The following TRPM1 variants were observed in gnomAD, a reference collection of about 807,000 sequenced individuals.
The protein encoded by TRPM1 is transient receptor potential cation channel subfamily M member 1.
Under a neutral mutation model 149.4 loss-of-function variants are expected in TRPM1, and 113 were observed. The ratio of observed to expected loss-of-function variants is 0.76; its 90% CI spans 0.65 to 0.88. TRPM1 has a LOEUF of 0.88. TRPM1 is among the 40% of genes least tolerant of loss of function. TRPM1 has a pLI of 0.00. For missense variants in TRPM1, 1,976 were observed against 2,038.7 expected (o/e 0.97, Z 0.59); for synonymous variants, 741 against 759.5 (o/e 0.98, Z 0.40).
At chr15:31,077,760 T>C (rs1298821383) in intron 2 of TRPM1, among the ~76,000 whole-genome samples, 1 of 151,990 alleles carries the variant, frequency 6.6e-6, no homozygotes, top group Non-Finnish European at 1.5e-5. Context: ...TATGTTTGTG[T>C]ATGTGTCTGA....
chr15:31,123,516 A>C (rs964378183), intron 1 of TRPM1, among the ~76,000 whole-genome samples: 1 of 152,244 alleles, frequency 6.6e-6, no homozygotes, highest in Non-Finnish European at 1.5e-5. Context: ...AATATGGGCA[A>C]AAGATTTGGA....
At chr15:31,077,288 T>A (rs2034722447) in intron 2 of TRPM1, among the ~76,000 whole-genome samples, 1 of 152,108 alleles carries the variant, frequency 6.6e-6, no homozygotes, top group Non-Finnish European at 1.5e-5. Flanking sequence ...TAAACTGCAG[T>A]GCAAGTGTTG....
chr15:31,130,984 T>C (rs2141042998), intron 1 of TRPM1, among the ~76,000 whole-genome samples: 1 of 152,314 alleles, frequency 6.6e-6, no homozygotes, highest in Non-Finnish European at 1.5e-5. Flanking sequence ...GGAGAATCCG[T>C]TGGGCAACGG....
At chr15:31,022,058 A>G (rs2032568029) in intron 27 of TRPM1, among the ~76,000 whole-genome samples, 2 of 152,220 alleles carry the variant, frequency 1.3e-5, no homozygotes, top group East Asian at 1.9e-4. Context: ...CATGGAAAAA[A>G]GGAAAACACA....
intron 1 of TRPM1, among the ~76,000 whole-genome samples, chr15:31,128,274 G>A (rs1416616634): frequency 6.6e-6 from 1 of 152,174 alleles, no homozygotes; most frequent in South Asian, 2.1e-4. Flanking sequence ...ACTGTGGGGT[G>A]AGAACGCCAT....
At chr15:31,148,712 G>A (rs2036254528) in intron 1 of TRPM1, among the ~76,000 whole-genome samples, 1 of 152,202 alleles carries the variant, frequency 6.6e-6, no homozygotes, top group Non-Finnish European at 1.5e-5. Context: ...GGTGCTGTAA[G>A]GGATGCTAGT....
rs1425016061 is a variant in TRPM1 at position 31,046,350 on chromosome 15, A to G, written c.1765-117T>C. ...AATGGATTAAAAAGCACTTTGTATC[A>G]TTAACAATTAATGATAATATCCAAG... is the stretch of plus-strand genomic sequence containing the variant. On this transcript the variant is annotated intron_variant, in intron 15 of 27. Transcript: ENST00000256552. 2.3e-5 allele frequency: 21 copies of G among 908,356 alleles called. 1 individual carries two copies. In the East Asian group the frequency reaches 4.9e-4, roughly 21 times the overall value. The allele number at this position is 908,356 out of a possible 1,614,324, so 56.3% of individuals were successfully genotyped here.
At chr15:31,090,342 G>T (rs2035201047) in intron 1 of TRPM1, among the ~76,000 whole-genome samples, 1 of 152,154 alleles carries the variant, frequency 6.6e-6, no homozygotes, top group Non-Finnish European at 1.5e-5. Flanking sequence ...TTTTCCATAT[G>T]AAACTGCATC....
chr15:31,059,808 C>T (rs2034176108), intron 11 of TRPM1, among the ~76,000 whole-genome samples: 1 of 152,166 alleles, frequency 6.6e-6, no homozygotes, highest in Non-Finnish European at 1.5e-5. Context: ...ATCCTGACTC[C>T]TAATCTATAA....
At chr15:31,079,510 G>T (rs1031294117) in intron 2 of TRPM1, among the ~76,000 whole-genome samples, 20 of 152,370 alleles carry the variant, frequency 1.3e-4, no homozygotes, top group Middle Eastern at 3.4e-3. Flanking sequence ...CACCCTCTGA[G>T]TGCGCAAGCA....
intron 18 of TRPM1, among the ~76,000 whole-genome samples, chr15:31,038,931 G>A (rs12917058): frequency 0.25 from 37,560 of 151,388 alleles, 4,829 homozygotes; most frequent in African/African-American, 0.29. Flanking sequence ...ACATGGGCTC[G>A]GCCTAGACAA....
rs1393997561 is a variant in TRPM1 at position 31,153,393 on chromosome 15, T to G, written c.54+7513A>C. On this transcript the variant is annotated intron_variant, in intron 1 of 26. Transcript: ENST00000542188. ...AGGCTGTAGTACAGTGGTGTGATCT[T>G]GGCTCACTGCAACCTCCGCCTCCCA... 2.0e-5 allele frequency among the ~76,000 whole-genome samples: 3 copies of G among 152,182 alleles called. No individual in the cohort carries two copies. The South Asian group carries it at 6.2e-4, about 31-fold the overall frequency.
At position 31,032,862 on chromosome 15, in the gene TRPM1, C is replaced by T. The variant is rs776205185; in HGVS notation, c.2779G>A (p.Val927Met). ...CCAATCATGAATGTGGAAATGGCCA[C>T]GAGATCTGTGATGTTCCAGTACTCC... Reference protein sequence around the residue: ...LQEYWNITDLVAISTFMIGAI... With the variant: ...LQEYWNITDLMAISTFMIGAI... The change falls in exon 22 of 28, where the codon GTG (valine) becomes ATG (methionine). Residue 927 changes from valine (V) to methionine (M), a missense_variant. Around this residue, in one of 3 missense-constraint regions of TRPM1, gnomAD observed 1,332 missense variants for 1,347.1 expected, o/e 0.99. Coordinates refer to ENST00000256552, the MANE Select transcript of TRPM1 (RefSeq NM_001252024.2). 1.5e-5 allele frequency: 25 copies of T among 1,614,064 alleles called. No individual in the cohort carries two copies. The highest frequency in any genetic ancestry group is 1.3e-4 in the East Asian group (6 of 44,902).
intron 1 of TRPM1, among the ~76,000 whole-genome samples, chr15:31,120,603 C>T (rs936648828): frequency 1.3e-5 from 2 of 152,042 alleles, no homozygotes; most frequent in African/African-American, 4.8e-5. Context: ...AATACACATT[C>T]TTCTCAAACC....
At chr15:31,160,886 C>T (rs2036435661) in intron 1 of TRPM1, 1 of 1,535,324 alleles carries the variant, frequency 6.5e-7, no homozygotes, top group Non-Finnish European at 8.7e-7. Context: ...GCCCGCAGGC[C>T]ACTGGCAAAG....
At chr15:31,059,264 C>T (rs771108273) in intron 11 of TRPM1, among the ~76,000 whole-genome samples, 17 of 152,240 alleles carry the variant, frequency 1.1e-4, no homozygotes, top group Middle Eastern at 3.4e-3. Context: ...GAAGCAACTT[C>T]CAGGAGACCT....
intron 1 of TRPM1, among the ~76,000 whole-genome samples, chr15:31,156,929 TA>T (rs1248884912): frequency 6.0e-5 from 4 of 66,842 alleles, no homozygotes; most frequent in East Asian, 2.0e-3. Flanking sequence ...TACTTACATT[TA>T]TTTTTTTTTT....
At chr15:31,031,225 A>G (rs1271321170) in intron 22 of TRPM1, 68 bp from the exon 23 acceptor site, 6 of 1,565,906 alleles carry the variant, frequency 3.8e-6, no homozygotes, top group African/African-American at 1.4e-5. Flanking sequence ...GGCTCATTAT[A>G]TTGCTGTCTC....
intron 1 of TRPM1, among the ~76,000 whole-genome samples, chr15:31,099,465 G>T (rs1305778400): frequency 6.6e-6 from 1 of 152,100 alleles, no homozygotes; most frequent in Non-Finnish European, 1.5e-5. Flanking sequence ...CAAAGCCAAA[G>T]CCAATTTTCT....
Sources: allele counts gnomAD v4.1 joint callset (sites outside exome capture counted in the v4.1 genomes callset), GRCh38; gene constraint gnomAD v4.1.1; regional missense constraint gnomAD v4.1.1; transcripts MANE v1.5; gene names NCBI Gene and HGNC (gene_info 2026-07-23, HGNC 2026-07-21).